GPR135: variants seen among roughly 807,000 people sequenced by gnomAD.
GPR135 encodes the protein G protein-coupled receptor 135.
Under a neutral mutation model 15.0 loss-of-function variants are expected in GPR135, and 17 were observed. The ratio of observed to expected loss-of-function variants is 1.13; its 90% CI spans 0.78 to 1.70. GPR135 has a LOEUF of 1.70. Ranked by LOEUF, GPR135 falls within the 40% of genes most tolerant of loss-of-function variation. GPR135 has a pLI of 0.00. For missense variants in GPR135, 776 were observed against 727.0 expected (o/e 1.07, Z -0.78); for synonymous variants, 368 against 349.4 (o/e 1.05, Z -0.59).
At chr14:59,458,178 T>C (rs1369720186), downstream of GPR135, among the ~76,000 whole-genome samples, 26 of 152,196 alleles carry the variant, frequency 1.7e-4, no homozygotes, top group Admixed American at 1.7e-3. Flanking sequence ...ACAATAGCTT[T>C]AGTAGGGCTC....
intron 6 of GPR135, among the ~76,000 whole-genome samples, chr14:59,453,424 A>G (rs562273058): frequency 2.0e-5 from 3 of 152,362 alleles, no homozygotes; most frequent in African/African-American, 7.2e-5. Context: ...AAAAAAGTTG[A>G]AAAGATGCCA....
rs1413247888 is a variant in GPR135 at position 59,464,221 on chromosome 14, T to C, written c.1006A>G (p.Met336Val). ...EVRTATTVLI[M>V]IVFVICCWGP... ...CAGCAGCAGATGACGAAGACGATCA[T>C]GATGAGGACGGTGGTGGCCGTGCGC... is the stretch of plus-strand genomic sequence containing the variant. The change falls in exon 1 of 1, where the codon ATG (methionine) becomes GTG (valine). Residue 336 changes from methionine (M) to valine (V), a missense_variant. Physicochemically the swap from Met to Val is conservative, Grantham distance 21 (BLOSUM62 1). Transcript: ENST00000395116. 3 of 1,611,312 alleles carry C rather than the reference T, an allele frequency of 1.9e-6. No homozygotes were observed. The highest frequency in any genetic ancestry group is 8.5e-7 in the Non-Finnish European group (1 of 1,179,916).
downstream of GPR135, among the ~76,000 whole-genome samples, chr14:59,457,348 TA>T (rs1201684696): frequency 2.0e-5 from 3 of 151,842 alleles, no homozygotes; most frequent in African/African-American, 7.3e-5. Context: ...GTGTGTAGAT[TA>T]ATTTTTTTAA....
Position 59,465,252 on chromosome 14 carries a change from C to T in GPR135, c.-26G>A. Reference sequence around the variant, plus strand: ...GGGGCCCAGTGGCGGCCGCGGATCTCCTCATCCCGCACCGGGGGCGGCGGC... The same window carrying T: ...GGGGCCCAGTGGCGGCCGCGGATCTTCTCATCCCGCACCGGGGGCGGCGGC... On this transcript the variant is annotated 5_prime_UTR_variant, in exon 1 of 1. Coordinates refer to ENST00000395116, the MANE Select transcript of GPR135 (RefSeq NM_022571.6). 8.2e-7 allele frequency: 1 copy of T among 1,225,206 alleles called. No individual in the cohort carries two copies. The highest frequency in any genetic ancestry group is 1.0e-6 in the Non-Finnish European group (1 of 983,892). The allele number at this position is 1,225,206 out of a possible 1,614,324, so 75.9% of individuals were successfully genotyped here.
In GPR135 at chr14:59,465,204, C is replaced by CGGG. The variant is rs1465108525; in HGVS notation, c.20_22dup (p.Pro7dup). 8.0e-7 allele frequency: 1 copy of CGGG among 1,252,020 alleles called. No individual in the cohort carries two copies. The highest frequency in any genetic ancestry group is 4.2e-5 in the Admixed American group (1 of 23,692). The allele number at this position is 1,252,020 out of a possible 1,614,324, so 77.6% of individuals were successfully genotyped here. ...CAGTAAGGCCATGCTCGCTGGTGGGCGGGGCGGCTGCGGCTCCTCCATGGG... is the reference window on the plus strand; with the variant it reads ...CAGTAAGGCCATGCTCGCTGGTGGGCGGGGGGGCGGCTGCGGCTCCTCCATGGG... On this transcript the variant is annotated inframe_insertion, in exon 1 of 1. Transcript: ENST00000395116.
Position 59,455,258 on chromosome 14 carries a change from A to G in GPR135, c.*874+426T>C, listed in dbSNP as rs143906065. Among the ~76,000 whole-genome samples, 9 of 152,298 alleles carry G rather than the reference A, an allele frequency of 5.9e-5. No homozygotes were observed. In the East Asian group the frequency reaches 1.7e-3, roughly 29 times the overall value. ...CACTAATAAGTTTGGGGCACCTGAA[A>G]GCAAAGAGGACCTGCGTCTTGATTC... On this transcript the variant is annotated intron_variant and NMD_transcript_variant, in intron 6 of 6. Transcript: ENST00000481661.
Position 59,464,715 on chromosome 14 carries a change from G to A in GPR135, c.512C>T (p.Ser171Leu), listed in dbSNP as rs1034770407. ...GGGCCCCGCGGCGGCGGCAGGCGCC[G>A]AACCCCCGGGCGGAGTGAAGAGGTC... ...FLDLFTPPGG[S>L]APAAAAGPWR... The change falls in exon 1 of 1, where the codon TCG becomes TTG. Residue 171 changes from serine (S) to leucine (L), a missense_variant. Ser to Leu is a moderately radical substitution (Grantham distance 145, BLOSUM62 -2). Transcript: ENST00000395116. 2.6e-6 allele frequency: 4 copies of A among 1,565,318 alleles called. No individual in the cohort carries two copies. Among genetic ancestry groups the A allele is most frequent in the African/African-American group, 2.7e-5 (2 of 74,068 alleles).
In GPR135 at chr14:59,465,017, G is replaced by T; in HGVS notation, c.210C>A (p.Gly70=). The change falls in exon 1 of 1, where the codon GGC becomes GGA. Residue 70 remains glycine (G), a synonymous_variant. Coordinates refer to ENST00000395116, the MANE Select transcript of GPR135 (RefSeq NM_022571.6). ...GGGTAAAPGG[G]GLGGSGAARE... ...GCGCTGCCCCGGACCCGCCAAGGCCGCCGCCACCGGGAGCGGCAGCTGTGC... is the reference window on the plus strand; with the variant it reads ...GCGCTGCCCCGGACCCGCCAAGGCCTCCGCCACCGGGAGCGGCAGCTGTGC... 1.5e-6 allele frequency: 2 copies of T among 1,333,028 alleles called. No homozygotes were observed. The highest frequency in any genetic ancestry group is 9.6e-7 in the Non-Finnish European group (1 of 1,046,264). 82.6% of individuals were successfully genotyped at this position (1,333,028 alleles called of 1,614,324 possible). A position where few individuals can be genotyped will look rare whatever the true frequency, so the allele number is the denominator to read the frequency against.
intron 6 of GPR135, among the ~76,000 whole-genome samples, chr14:59,453,267 T>G (rs796469696): frequency 7.2e-5 from 11 of 152,326 alleles, no homozygotes; most frequent in Admixed American, 2.0e-4. Flanking sequence ...GGTTTATTGA[T>G]TATAACAAAT....
downstream of GPR135, among the ~76,000 whole-genome samples, chr14:59,459,365 G>A (rs1461178147): frequency 6.6e-6 from 1 of 152,216 alleles, no homozygotes; most frequent in African/African-American, 2.4e-5. Flanking sequence ...ATGGTTCTGA[G>A]GTGGAGTAAT....
intron 6 of GPR135, among the ~76,000 whole-genome samples, chr14:59,453,967 C>T (rs547352538): frequency 6.6e-6 from 1 of 152,164 alleles, no homozygotes; most frequent in East Asian, 1.9e-4. Flanking sequence ...ACATGAACAC[C>T]AGGACAAGAA....
chr14:59,464,329 T>C lies in GPR135; in HGVS notation c.898A>G (p.Ile300Val). The C allele has an allele frequency of 6.2e-7, 1 of 1,610,872 alleles. No individual in the cohort carries two copies. The highest frequency in any genetic ancestry group is 8.5e-7 in the Non-Finnish European group (1 of 1,178,890). ...FLLMCFCHYH[I>V]CKTVRLSDVR... ...TCCGACAGGCGCACCGTCTTGCAGA[T>C]GTGGTAGTGGCAGAAGCACATGAGC... The change falls in exon 1 of 1, where the codon ATC becomes GTC. Residue 300 changes from isoleucine to valine, a missense_variant. Ile to Val is a conservative substitution (Grantham distance 29). Coordinates refer to ENST00000395116, the MANE Select transcript of GPR135 (RefSeq NM_022571.6).
chr14:59,458,053 A>C (rs1888724107), downstream of GPR135, among the ~76,000 whole-genome samples: 1 of 152,090 alleles, frequency 6.6e-6, no homozygotes, highest in African/African-American at 2.4e-5. Flanking sequence ...TTGTTTGTTT[A>C]TTTGTTTAGT....
chr14:59,453,137 T>C (rs1016327422), intron 6 of GPR135, among the ~76,000 whole-genome samples: 5 of 152,186 alleles, frequency 3.3e-5, no homozygotes, highest in Admixed American at 2.0e-4. Flanking sequence ...CTTCTACATA[T>C]TTCTATAATT....
At position 59,464,235 on chromosome 14, in the gene GPR135, G is replaced by A. The variant is rs1888996229; in HGVS notation, c.992C>T (p.Thr331Ile). 3 of 1,611,700 alleles carry A rather than the reference G, an allele frequency of 1.9e-6. No individual in the cohort carries two copies. The highest frequency in any genetic ancestry group is 1.1e-5 in the South Asian group (1 of 91,086). Reference sequence around the variant, plus strand: ...GAAGACGATCATGATGAGGACGGTGGTGGCCGTGCGCACCTCGCTGAAGAA... The same window carrying A: ...GAAGACGATCATGATGAGGACGGTGATGGCCGTGCGCACCTCGCTGAAGAA... ...LRFFSEVRTA[T>I]TVLIMIVFVI... The change falls in exon 1 of 1, where the codon ACC becomes ATC. Residue 331 changes from threonine (T) to isoleucine (I), a missense_variant. Transcript: ENST00000395116.
rs1427686847 is a variant in GPR135, at chr14:59,465,139, G to T, written c.88C>A (p.Pro30Thr). 2.9e-6 allele frequency: 4 copies of T among 1,359,060 alleles called. No individual in the cohort carries two copies. The highest frequency in any genetic ancestry group is 3.8e-6 in the Non-Finnish European group (4 of 1,056,252). 84.2% of individuals were successfully genotyped at this position (1,359,060 alleles called of 1,614,324 possible). ...HSGAPSAAGP[P>T]GGTSSAATAA... is the part of the protein sequence containing the mutation. ...GTGGCCGCGGAGGAAGTCCCGCCAG[G>T]TGGGCCGGCCGCGGAGGGGGCGCCG... Residue 30 changes from proline to threonine, a missense_variant, in exon 1 of 1, where the codon CCT becomes ACT. Pro to Thr is a conservative substitution (Grantham distance 38, BLOSUM62 -1). Transcript: ENST00000395116.
chr14:59,459,710 T>C (rs1285718392), downstream of GPR135, among the ~76,000 whole-genome samples: 4 of 152,180 alleles, frequency 2.6e-5, no homozygotes, highest in East Asian at 5.8e-4. Context: ...GTACAGGCAA[T>C]TCTTTTGATG....
chr14:59,465,138 G>C lies in GPR135; in HGVS notation c.89C>G (p.Pro30Arg). The change falls in exon 1 of 1, where the codon CCT becomes CGT. Residue 30 changes from proline (P) to arginine (R), a missense_variant. Coordinates refer to ENST00000395116, the MANE Select transcript of GPR135 (RefSeq NM_022571.6). ...HSGAPSAAGP[P>R]GGTSSAATAA... The stretch of plus-strand genomic sequence containing the variant: ...CGTGGCCGCGGAGGAAGTCCCGCCA[G>C]GTGGGCCGGCCGCGGAGGGGGCGCC... 7.4e-7 allele frequency: 1 copy of C among 1,359,708 alleles called. No individual in the cohort carries two copies. The allele number at this position is 1,359,708 out of a possible 1,614,324, so 84.2% of individuals were successfully genotyped here. A position where few individuals can be genotyped will look rare whatever the true frequency, so the allele number is the denominator to read the frequency against.
In GPR135 at chr14:59,463,901, G is replaced by T. The variant is rs769585686; in HGVS notation, c.1326C>A (p.Asn442Lys). The T allele has an allele frequency of 1.2e-6, 2 of 1,613,986 alleles. No individual in the cohort carries two copies. The highest frequency in any genetic ancestry group is 8.5e-7 in the Non-Finnish European group (1 of 1,179,830). ...TGGCCGGGTTGGAAGAGGACATCCT[G>T]TTGCAGGCCCCCAGCCGGTTGGCAT... ...NRYANRLGAC[N>K]RMSSSNPASG... is the part of the protein sequence containing the mutation. Residue 442 changes from asparagine (N) to lysine (K), a missense_variant, in exon 1 of 1, where the codon AAC (asparagine) becomes AAA (lysine). Asn to Lys is a moderately conservative substitution (Grantham distance 94). Coordinates refer to ENST00000395116, the MANE Select transcript of GPR135 (RefSeq NM_022571.6).
Sources: gnomAD v4.1 joint callset for allele counts (sites outside exome capture counted in the v4.1 genomes callset) on GRCh38, gnomAD v4.1.1 for gene constraint, MANE v1.5 for transcripts, NCBI Gene and HGNC (gene_info 2026-07-23, HGNC 2026-07-21) for gene names.